Variants in DNAI7 observed in about 807,000 individuals in gnomAD.
DNAI7 encodes the protein dynein axonemal intermediate chain 7, also known as cancer susceptibility 1.
In DNAI7, 78 loss-of-function variants were observed where a neutral mutation model predicts 86.6. The ratio of observed to expected loss-of-function variants is 0.90; its 90% CI spans 0.75 to 1.09. The LOEUF (loss-of-function observed/expected upper bound fraction) is 1.09. DNAI7 is among the 50% of genes least tolerant of loss of function. DNAI7 has a pLI of 0.00. For missense variants in DNAI7, 753 were observed against 810.2 expected, an observed-to-expected ratio of 0.93 and a Z score of 0.86; for synonymous variants, 274 against 273.0, an observed-to-expected ratio of 1.00 and a Z score of -0.04.
chr12:25,129,905 G>C (rs1942670938), intron 9 of DNAI7, among the ~76,000 whole-genome samples: 1 of 151,994 alleles, frequency 6.6e-6, no homozygotes, highest in East Asian at 1.9e-4. Flanking sequence ...TGGGATTACA[G>C]GTACCTGCCA....
chr12:25,143,457 C>T (rs901364910), intron 9 of DNAI7, among the ~76,000 whole-genome samples: 2 of 151,472 alleles, frequency 1.3e-5, no homozygotes, highest in African/African-American at 4.9e-5. Flanking sequence ...ACCATGTTGG[C>T]CAGGCTGGTC....
At chr12:25,127,650 C>T (rs182633915) in intron 9 of DNAI7, among the ~76,000 whole-genome samples, 36 of 152,242 alleles carry the variant, frequency 2.4e-4, no homozygotes, top group Middle Eastern at 3.4e-3. Flanking sequence ...TCAATGTATA[C>T]GAGAACTGGC....
chr12:25,112,521 T>C (rs576850302), intron 13 of DNAI7, among the ~76,000 whole-genome samples: 68 of 150,306 alleles, frequency 4.5e-4, no homozygotes, highest in Middle Eastern at 7.0e-3. Flanking sequence ...ATTCTCCTGC[T>C]TCAGCCTCCC....
chr12:25,111,141 T>A (rs2140335597), intron 14 of DNAI7, among the ~76,000 whole-genome samples: 1 of 152,342 alleles, frequency 6.6e-6, no homozygotes, highest in African/African-American at 2.4e-5. Flanking sequence ...TGCCTACAAA[T>A]TCACTTTTCA....
chr12:25,134,816 G>C (rs1395578125), intron 9 of DNAI7, among the ~76,000 whole-genome samples: 3 of 152,058 alleles, frequency 2.0e-5, no homozygotes, highest in African/African-American at 2.4e-5. Context: ...AGCTTAGCTC[G>C]GTACTTTCAG....
intron 2 of DNAI7, among the ~76,000 whole-genome samples, chr12:25,168,493 G>A (rs1384536244): frequency 6.6e-6 from 1 of 152,122 alleles, no homozygotes; most frequent in African/African-American, 2.4e-5. Context: ...TGACTTCTCT[G>A]CTAGCATCAC....
intron 12 of DNAI7, among the ~76,000 whole-genome samples, chr12:25,118,030 T>G (rs569227282): frequency 2.8e-5 from 4 of 144,892 alleles, no homozygotes; most frequent in Non-Finnish European, 6.0e-5. Flanking sequence ...ACCTCCCAGG[T>G]TCAAGCAATT....
chr12:25,188,536 C>G (rs1199603507), intron 2 of DNAI7, among the ~76,000 whole-genome samples: 1 of 152,102 alleles, frequency 6.6e-6, no homozygotes, highest in Non-Finnish European at 1.5e-5. Flanking sequence ...AACACCTCAT[C>G]TCCAAACTGC....
At chr12:25,144,778 G>T in intron 8 of DNAI7, 101 bp from the exon 9 acceptor site, 2 of 959,024 alleles carry the variant, frequency 2.1e-6, no homozygotes, top group Non-Finnish European at 1.5e-6. Context: ...CTTTAATTTT[G>T]CTCCAATTTT....
chr12:25,148,246 A>G (rs1945106959), intron 7 of DNAI7, among the ~76,000 whole-genome samples: 1 of 152,108 alleles, frequency 6.6e-6, no homozygotes, highest in Non-Finnish European at 1.5e-5. Context: ...TTATTTTTGT[A>G]CACTGGAAGG....
chr12:25,159,424 CA>C (rs1381255988), intron 3 of DNAI7, among the ~76,000 whole-genome samples: 3 of 127,890 alleles, frequency 2.3e-5, no homozygotes, highest in East Asian at 4.6e-4. Flanking sequence ...TCCCATTTCC[CA>C]AAAAAAAAGA....
intron 1 of DNAI7, among the ~76,000 whole-genome samples, chr12:25,193,622 C>A (rs1950735390): frequency 6.6e-6 from 1 of 152,080 alleles, no homozygotes; most frequent in South Asian, 2.1e-4. Flanking sequence ...ACAAGTACTC[C>A]GGGTGCATTA....
At chr12:25,148,551 G>C (rs1382721094) in intron 7 of DNAI7, among the ~76,000 whole-genome samples, 2 of 152,052 alleles carry the variant, frequency 1.3e-5, no homozygotes, top group Non-Finnish European at 2.9e-5. Context: ...TATTACACTG[G>C]GGATTGAAAA....
intron 1 of DNAI7, chr12:25,194,761 C>A: frequency 1.1e-6 from 1 of 886,082 alleles, no homozygotes; most frequent in East Asian, 2.5e-5. Context: ...TTAGTGGGAA[C>A]GTCTATCACT....
chr12:25,111,696 T>C (rs1025070276), intron 14 of DNAI7, 76 bp downstream of exon 14: 1 of 831,806 alleles, frequency 1.2e-6, no homozygotes, highest in Non-Finnish European at 1.7e-6. Context: ...GTATATAATA[T>C]TAAATTATAT....
downstream of DNAI7, chr12:25,107,061 T>C: frequency 6.9e-7 from 1 of 1,450,744 alleles, no homozygotes; most frequent in Non-Finnish European, 9.6e-7. Flanking sequence ...GTAAGTTATC[T>C]ACTTGATAAA....
chr12:25,158,154 A>G (rs1177812917), intron 4 of DNAI7, among the ~76,000 whole-genome samples: 4 of 152,160 alleles, frequency 2.6e-5, no homozygotes, highest in Admixed American at 6.5e-5. Flanking sequence ...GCGTGAACCC[A>G]GGAGGCGGAG....
intron 2 of DNAI7, among the ~76,000 whole-genome samples, chr12:25,168,636 G>A (rs565098686): frequency 6.6e-6 from 1 of 152,140 alleles, no homozygotes; most frequent in Non-Finnish European, 1.5e-5. Context: ...TAAATGAAGA[G>A]TGTTGTTTTT....
At chr12:25,108,119 A>AAATT, downstream of DNAI7, 2 of 1,570,630 alleles carry the variant, frequency 1.3e-6, no homozygotes, top group Admixed American at 1.7e-5. Flanking sequence ...TGAACTTCGT[A>AAATT]AATTAGTAAC....
Sources: gnomAD v4.1 joint callset for allele counts (sites outside exome capture counted in the v4.1 genomes callset) on GRCh38, gnomAD v4.1.1 for gene constraint, MANE v1.5 for transcripts, NCBI Gene and HGNC (gene_info 2026-07-23, HGNC 2026-07-21) for gene names.